Variants in ARK2C observed in about 807,000 individuals in gnomAD.
The protein encoded by ARK2C is E3 ubiquitin-protein ligase ARK2C.
At chr18:46,450,059 C>T in the ARK2C span, among the ~76,000 whole-genome samples, 1 of 152,208 alleles carries the variant, frequency 6.6e-6, no homozygotes, top group African/African-American at 2.4e-5. Context: ...GTGCTTAGAA[C>T]AGTGCCTGCC....
At chr18:46,400,654 C>T in the ARK2C span, among the ~76,000 whole-genome samples, 123 of 152,238 alleles carry the variant, frequency 8.1e-4, no homozygotes, top group Middle Eastern at 3.4e-3. Context: ...AGGAAGTTCC[C>T]GGGTGTGTCA....
the ARK2C span, among the ~76,000 whole-genome samples, chr18:46,345,561 G>T: frequency 6.6e-6 from 1 of 152,230 alleles, no homozygotes; most frequent in African/African-American, 2.4e-5. Flanking sequence ...GCATCTGGCT[G>T]GGGGGTGGAC....
At chr18:46,346,850 A>T in the ARK2C span, among the ~76,000 whole-genome samples, 19 of 152,176 alleles carry the variant, frequency 1.2e-4, no homozygotes, top group Non-Finnish European at 2.2e-4. Context: ...GCCCTTGGGC[A>T]GTCAGGGAAG....
the ARK2C span, among the ~76,000 whole-genome samples, chr18:46,343,297 A>G: frequency 1.3e-5 from 2 of 152,240 alleles, no homozygotes; most frequent in African/African-American, 4.8e-5. Context: ...TGACTTGAAT[A>G]AACTATTCTG....
the ARK2C span, among the ~76,000 whole-genome samples, chr18:46,351,037 CTA>C: frequency 3.3e-5 from 5 of 152,154 alleles, no homozygotes; most frequent in Non-Finnish European, 5.9e-5. Flanking sequence ...GGGAGCTGCC[CTA>C]GCGGGCAGAC....
the ARK2C span, chr18:46,433,048 C>A: frequency 1.7e-6 from 1 of 592,644 alleles, no homozygotes; most frequent in East Asian, 3.0e-5. Flanking sequence ...TGACCACATG[C>A]CTCTAACAGT....
At chr18:46,448,311 G>A in the ARK2C span, among the ~76,000 whole-genome samples, 2 of 152,088 alleles carry the variant, frequency 1.3e-5, no homozygotes, top group African/African-American at 4.8e-5. Flanking sequence ...TGGCTCCCTG[G>A]CAGATCAACA....
the ARK2C span, among the ~76,000 whole-genome samples, chr18:46,350,538 C>T: frequency 6.6e-6 from 1 of 152,150 alleles, no homozygotes; most frequent in Non-Finnish European, 1.5e-5. Flanking sequence ...GCCCCCAACC[C>T]CAAGAACCCC....
At chr18:46,357,055 G>A in the ARK2C span, among the ~76,000 whole-genome samples, 1 of 152,200 alleles carries the variant, frequency 6.6e-6, no homozygotes, top group Non-Finnish European at 1.5e-5. Flanking sequence ...CCCTACACCA[G>A]ATCTACCTTT....
At chr18:46,415,645 C>T in the ARK2C span, among the ~76,000 whole-genome samples, 5 of 152,284 alleles carry the variant, frequency 3.3e-5, no homozygotes, top group East Asian at 1.9e-4. Context: ...GAGTGAAAGA[C>T]GGGCTTGGAA....
At chr18:46,406,017 C>A in the ARK2C span, among the ~76,000 whole-genome samples, 1 of 152,128 alleles carries the variant, frequency 6.6e-6, no homozygotes, top group South Asian at 2.1e-4. Context: ...CATACATACC[C>A]CTGTGTGTGT....
At chr18:46,461,369 G>C in the ARK2C span, 1 of 152,502 alleles carries the variant, frequency 6.6e-6, no homozygotes, top group East Asian at 1.9e-4. Flanking sequence ...AAAAGGCAGG[G>C]CATGGTGGCT....
the ARK2C span, chr18:46,447,383 T>A: frequency 1.5e-6 from 1 of 662,818 alleles, no homozygotes; most frequent in Non-Finnish European, 2.6e-6. Context: ...GTCCTTTCCT[T>A]CTCTGAGTCT....
chr18:46,394,064 G>A, the ARK2C span, among the ~76,000 whole-genome samples: 136 of 152,268 alleles, frequency 8.9e-4, no homozygotes, highest in African/African-American at 2.8e-3. Flanking sequence ...TGTTGCCCTC[G>A]GGTACCGGAA....
the ARK2C span, among the ~76,000 whole-genome samples, chr18:46,354,199 A>G: frequency 6.6e-6 from 1 of 152,272 alleles, no homozygotes; most frequent in Non-Finnish European, 1.5e-5. Context: ...GTATGTTAGC[A>G]GAGATGCCAG....
chr18:46,433,569 G>A, the ARK2C span: 287 of 1,406,558 alleles, frequency 2.0e-4, no homozygotes, highest in African/African-American at 3.8e-3. Context: ...CAGGGCCAGG[G>A]CGTGGGCAGG....
chr18:46,344,196 A>C, the ARK2C span, among the ~76,000 whole-genome samples: 1 of 152,188 alleles, frequency 6.6e-6, no homozygotes, highest in Non-Finnish European at 1.5e-5. Context: ...ACCAGCCTGC[A>C]GGTGGAGAGG....
chr18:46,432,815 G>A, the ARK2C span, among the ~76,000 whole-genome samples: 1 of 152,124 alleles, frequency 6.6e-6, no homozygotes, highest in Non-Finnish European at 1.5e-5. Flanking sequence ...CGCGGTGGCG[G>A]GCGCCTGTAG....
At chr18:46,396,794 C>T in the ARK2C span, among the ~76,000 whole-genome samples, 1 of 152,220 alleles carries the variant, frequency 6.6e-6, no homozygotes, top group African/African-American at 2.4e-5. Flanking sequence ...GTCGGGACAG[C>T]TCAGGGCATC....
Sources: allele counts gnomAD v4.1 joint callset (sites outside exome capture counted in the v4.1 genomes callset), GRCh38; gene constraint gnomAD v4.1.1; transcripts MANE v1.5; gene names NCBI Gene and HGNC (gene_info 2026-07-23, HGNC 2026-07-21).